TRIM67: variants seen among roughly 807,000 people sequenced by gnomAD.
The protein encoded by TRIM67 is tripartite motif-containing protein 67.
In TRIM67, 39 loss-of-function variants were observed where a neutral mutation model predicts 71.0. The observed-to-expected ratio is 0.55, with a 90% CI of 0.43 to 0.72. The LOEUF (loss-of-function observed/expected upper bound fraction) is 0.72. Ranked by LOEUF, TRIM67 falls within the 30% of genes least tolerant of loss-of-function variation. The pLI is 0.00. For synonymous variants in TRIM67, 481 were observed against 473.9 expected, an observed-to-expected ratio of 1.01 and a Z score of -0.19; for missense variants, 973 against 1,079.2, an observed-to-expected ratio of 0.90 and a Z score of 1.38.
chr1:231,210,436 G>A (rs1007231922), intron 8 of TRIM67, among the ~76,000 whole-genome samples: 1 of 151,660 alleles, frequency 6.6e-6, no homozygotes, highest in Non-Finnish European at 1.5e-5. Flanking sequence ...TTGCCTCTTT[G>A]CTTGTAGGCA....
At position 231,163,130 on chromosome 1, in the gene TRIM67, G is replaced by T. The variant is rs1044761814; in HGVS notation, c.161G>T (p.Gly54Val). The T allele has an allele frequency of 1.1e-5, 17 of 1,548,794 alleles. No individual in the cohort carries two copies. In the South Asian group the frequency reaches 1.8e-4, roughly 16 times the overall value. Residue 54 changes from glycine to valine, a missense_variant, in exon 1 of 10, where the codon GGA becomes GTA. This residue lies in a region of TRIM67 where 795 missense variants were observed against 831.3 expected (regional missense o/e 0.96). Transcript: ENST00000366653. ...HLPQPLLLSR[G>V]SGLQAGAAAA... The stretch of plus-strand genomic sequence containing the variant: ...CCCCAGCCGCTCCTGCTTTCCCGGG[G>T]ATCGGGGCTGCAGGCGGGCGCCGCC...
intron 1 of TRIM67, among the ~76,000 whole-genome samples, chr1:231,188,586 T>A (rs1400983848): frequency 6.6e-6 from 1 of 152,100 alleles, no homozygotes; most frequent in East Asian, 1.9e-4. Context: ...TGCAATGGAG[T>A]GCAAAGAGCA....
chr1:231,214,327 G>T (rs146780546), intron 9 of TRIM67, among the ~76,000 whole-genome samples: 1 of 152,116 alleles, frequency 6.6e-6, no homozygotes, highest in Non-Finnish European at 1.5e-5. Flanking sequence ...GCCATCCTTC[G>T]TCTTAGTAGA....
intron 4 of TRIM67, 67 bp from the exon 5 acceptor site, chr1:231,201,291 C>A: frequency 6.6e-7 from 1 of 1,517,304 alleles, no homozygotes; most frequent in Non-Finnish European, 8.9e-7. Context: ...CCTACCTCTT[C>A]CTCACCCCTG....
rs1262331224 is a variant in TRIM67, at chr1:231,216,990, A to G, written c.*1550A>G. 2.0e-6 allele frequency: 2 copies of G among 985,734 alleles called. No homozygotes were observed. Among genetic ancestry groups the G allele is most frequent in the Non-Finnish European group, 2.4e-6 (2 of 829,950 alleles). 61.1% of individuals were successfully genotyped at this position (985,734 alleles called of 1,614,324 possible). On this transcript the variant is annotated 3_prime_UTR_variant, in exon 10 of 10. Transcript: ENST00000366653. The stretch of plus-strand genomic sequence containing the variant: ...GAGAAGTGACTTGTCAATTTGCTGG[A>G]CTGGATTTTTATAAAATTCGCCCAT...
At chr1:231,202,269 C>CTGAGATAATGGA (rs1242565325) in intron 5 of TRIM67, among the ~76,000 whole-genome samples, 1 of 3,668 alleles carries the variant, frequency 2.7e-4, no homozygotes, top group African/African-American at 8.9e-4. Flanking sequence ...GAGGTGGTGG[C>CTGAGATAATGGA]GGAGGAGGAG....
chr1:231,217,390 C>G lies in TRIM67; in HGVS notation c.*1950C>G, dbSNP rs1309208719. The G allele has an allele frequency of 5.1e-6, 5 of 986,604 alleles. No homozygotes were observed. The highest frequency in any genetic ancestry group is 6.0e-6 in the Non-Finnish European group (5 of 830,822). The allele number at this position is 986,604 out of a possible 1,614,324, so 61.1% of individuals were successfully genotyped here. On this transcript the variant is annotated 3_prime_UTR_variant, in exon 10 of 10. Coordinates refer to ENST00000366653, the MANE Select transcript of TRIM67 (RefSeq NM_001004342.5). ...GTCCAGAGCTCTTGGTGGTGACACA[C>G]AAGACCTGGGACCCTGTGTCCTTGC...
intron 1 of TRIM67, among the ~76,000 whole-genome samples, chr1:231,173,920 A>G (rs760537045): frequency 2.0e-5 from 3 of 152,158 alleles, no homozygotes; most frequent in Non-Finnish European, 4.4e-5. Context: ...AGGCTTATGC[A>G]TTCATATCCT....
At chr1:231,199,429 GA>G (rs1683460269) in intron 3 of TRIM67, among the ~76,000 whole-genome samples, 1 of 152,248 alleles carries the variant, frequency 6.6e-6, no homozygotes, top group African/African-American at 2.4e-5. Context: ...CTGTCTAAGG[GA>G]CTATTCTTGT....
Position 231,185,250 on chromosome 1 carries a change from G to A in TRIM67, c.1045-12121G>A, listed in dbSNP as rs1388027028. 3 of 1,529,504 alleles carry A rather than the reference G, an allele frequency of 2.0e-6. No individual in the cohort carries two copies. The African/African-American group carries it at 4.2e-5, about 21-fold the overall frequency. 94.7% of individuals were successfully genotyped at this position (1,529,504 alleles called of 1,614,324 possible). On this transcript the variant is annotated intron_variant, in intron 1 of 9. Coordinates refer to ENST00000366653, the MANE Select transcript of TRIM67 (RefSeq NM_001004342.5). ...TCTGAAAACTCCCTGTGAGAAAGGA[G>A]TCTCCCCTCACCCCTGGACCAGCTC...
rs1684051821 is a variant in TRIM67, at chr1:231,217,732, C to T, written c.*2292C>T. On this transcript the variant is annotated 3_prime_UTR_variant, in exon 10 of 10. Transcript: ENST00000366653. ...CCACAGCCCAGGTCACCAGGTGGCC[C>T]CAGCTCTGCAGAAGAATCGCCCATC... 8.0e-7 allele frequency: 1 copy of T among 1,251,844 alleles called. No homozygotes were observed. Among genetic ancestry groups the T allele is most frequent in the Non-Finnish European group, 1.0e-6 (1 of 968,520 alleles). The allele number at this position is 1,251,844 out of a possible 1,614,324, so 77.5% of individuals were successfully genotyped here. A position where few individuals can be genotyped will look rare whatever the true frequency, so the allele number is the denominator to read the frequency against.
rs950758595 is a variant in TRIM67, at chr1:231,209,083, C to T, written c.1956C>T (p.Tyr652=). Residue 652 remains tyrosine, a synonymous_variant, in exon 8 of 10, where the codon TAC becomes TAT. Transcript: ENST00000366653. The surrounding 1 kb of genome is among the most constrained non-coding windows in gnomAD (Gnocchi z 4.1). Reference sequence around the variant, plus strand: ...CTGCGTTCTCCAAGGGCGTGCACTACTGGGAGCTGCACGTGGACCGGTACG... The same window carrying T: ...CTGCGTTCTCCAAGGGCGTGCACTATTGGGAGCTGCACGTGGACCGGTACG... The part of the protein sequence containing the change: ...GTAAFSKGVH[Y]WELHVDRYDN... 2 of 1,613,986 alleles carry T rather than the reference C, an allele frequency of 1.2e-6. No individual in the cohort carries two copies. The highest frequency in any genetic ancestry group is 8.5e-7 in the Non-Finnish European group (1 of 1,179,882).
intron 1 of TRIM67, among the ~76,000 whole-genome samples, chr1:231,173,555 G>A (rs1682665980): frequency 6.6e-6 from 1 of 152,212 alleles, no homozygotes; most frequent in Non-Finnish European, 1.5e-5. Flanking sequence ...AGAACCAGGG[G>A]CAGGTGACGC....
chr1:231,220,161 C>G lies in TRIM67; in HGVS notation c.*4721C>G. Reference sequence around the variant, plus strand: ...AATGATTCCCATTCAGTGACTCAAACCTGTGGGGGGCGTTCCAGTGTTCTC... The same window carrying G: ...AATGATTCCCATTCAGTGACTCAAAGCTGTGGGGGGCGTTCCAGTGTTCTC... On this transcript the variant is annotated 3_prime_UTR_variant, in exon 10 of 10. Coordinates refer to ENST00000366653, the MANE Select transcript of TRIM67 (RefSeq NM_001004342.5). 2.6e-6 allele frequency: 1 copy of G among 389,538 alleles called. No homozygotes were observed. The highest frequency in any genetic ancestry group is 7.3e-5 in the East Asian group (1 of 13,738). The allele number at this position is 389,538 out of a possible 1,614,324, so 24.1% of individuals were successfully genotyped here.
Position 231,216,802 on chromosome 1 carries a change from GC to G in TRIM67, c.*1363del. On this transcript the variant is annotated 3_prime_UTR_variant, in exon 10 of 10. Transcript: ENST00000366653. ...CCACACCTCTCAGAGACAGCTCATG[GC>G]AGGGGTTTTGAGCCTGCCAGGCTCT... The G allele has an allele frequency of 5.1e-6, 5 of 985,506 alleles. No individual in the cohort carries two copies. Among genetic ancestry groups the G allele is most frequent in the Non-Finnish European group, 6.0e-6 (5 of 829,972 alleles). The allele number at this position is 985,506 out of a possible 1,614,324, so 61.0% of individuals were successfully genotyped here.
chr1:231,176,550 G>T lies in TRIM67; in HGVS notation c.1044+12537G>T, dbSNP rs370307252. On this transcript the variant is annotated intron_variant, in intron 1 of 9. Coordinates refer to ENST00000366653, the MANE Select transcript of TRIM67 (RefSeq NM_001004342.5). ...AGAAGATGTTTAAAATATAGTTCCT[G>T]TTCAAACAGCCAGTTGATTATCTGC... Among the ~76,000 whole-genome samples, 96 of 152,314 alleles carry T rather than the reference G, an allele frequency of 6.3e-4. No homozygotes were observed. In the South Asian group the frequency reaches 1.0e-2, roughly 16 times the overall value.
At position 231,163,491 on chromosome 1, in the gene TRIM67, C is replaced by G. The variant is rs747250511; in HGVS notation, c.522C>G (p.Arg174=). The G allele has an allele frequency of 6.6e-6, 10 of 1,522,376 alleles. No individual in the cohort carries two copies. The African/African-American group carries it at 1.1e-4, about 17-fold the overall frequency. The allele number at this position is 1,522,376 out of a possible 1,614,324, so 94.3% of individuals were successfully genotyped here. The stretch of plus-strand genomic sequence containing the variant: ...CATCCCTGGACCACCGCGGCCTGCG[C>G]GGCTTCCAGCGCAACCGGCTGCTCG... ...RSASLDHRGL[R]GFQRNRLLEA... The change falls in exon 1 of 10, where the codon CGC becomes CGG. Residue 174 remains arginine, a synonymous_variant. Transcript: ENST00000366653.
At chr1:231,206,629 T>C (rs1683706415) in intron 6 of TRIM67, 23 bp from the exon 7 acceptor site, 2 of 1,546,838 alleles carry the variant, frequency 1.3e-6, no homozygotes, top group Admixed American at 2.0e-5. Flanking sequence ...AGGAGCCTGG[T>C]GAGCAGCATT....
intron 1 of TRIM67, among the ~76,000 whole-genome samples, chr1:231,196,230 GAGA>G (rs1683368986): frequency 6.6e-6 from 1 of 152,182 alleles, no homozygotes; most frequent in Non-Finnish European, 1.5e-5. Flanking sequence ...GGACTTGGGG[GAGA>G]AGGAGACCCT....
Sources: gnomAD v4.1 joint callset for allele counts (sites outside exome capture counted in the v4.1 genomes callset) on GRCh38, gnomAD v4.1.1 for gene constraint, gnomAD v4.1.1 regional missense constraint, Gnocchi (gnomAD v3.1) non-coding constraint, MANE v1.5 for transcripts, NCBI Gene and HGNC (gene_info 2026-07-23, HGNC 2026-07-21) for gene names.